IHH: variants seen among roughly 807,000 people sequenced by gnomAD.
IHH encodes the protein indian hedgehog protein.
A neutral mutation model predicts 29.4 loss-of-function variants in IHH; 9 were observed. The ratio of observed to expected loss-of-function variants is 0.31; its 90% confidence interval spans 0.18 to 0.53. The LOEUF (loss-of-function observed/expected upper bound fraction) is 0.53, where lower values mean the gene tolerates loss of function less well. IHH is among the 20% of genes least tolerant of loss of function. The pLI is 0.95. For synonymous variants in IHH, 254 were observed against 252.7 expected (o/e 1.01, Z -0.05); for missense variants, 454 against 578.1 (o/e 0.79, Z 2.20).
chr2:219,060,407 C>T lies in IHH; in HGVS notation c.61G>A (p.Val21Met). Residue 21 changes from valine to methionine, a missense_variant, in exon 1 of 3, where the codon GTG becomes ATG. Physicochemically the swap from Val to Met is conservative, Grantham distance 21. Around this residue, in one of 3 missense-constraint regions of IHH, gnomAD observed 113 missense variants for 122.1 expected, o/e 0.93. Transcript: ENST00000295731. This position sits in a 1 kb window ranked among gnomAD's most constrained non-coding sequence, Gnocchi z 8.8. ...CCGCAGCCCCATGCCGCCGGCACCA[C>T]CAGCAGCAGCAACAGGACCAGGCAG... The part of the protein sequence containing the change: ...HFCLVLLLLL[V>M]VPAAWGCGPG... The T allele has an allele frequency of 1.0e-5, 16 of 1,598,454 alleles. No individual in the cohort carries two copies. The highest frequency in any genetic ancestry group is 1.4e-5 in the Non-Finnish European group (16 of 1,176,472).
chr2:219,055,900 G>GTGCA, intron 2 of IHH, 35 bp from the exon 3 acceptor site: 1 of 1,583,622 alleles, frequency 6.3e-7, no homozygotes, highest in Non-Finnish European at 8.5e-7. Flanking sequence ...TGTTACTGCT[G>GTGCA]TGCAGCTCAG....
At chr2:219,055,957 G>T in intron 2 of IHH, 92 bp from the exon 3 acceptor site, 2 of 1,360,524 alleles carry the variant, frequency 1.5e-6, no homozygotes, top group Non-Finnish European at 2.0e-6. Context: ...GCCAGCCAGA[G>T]CTCCTCTTGC....
chr2:219,060,333 C>A lies in IHH; in HGVS notation c.135G>T (p.Val45=), dbSNP rs1201240474. ...GGCTGAACTGCTTGTAGGCGAGCGG[C>A]ACGAGTTTGCGTGGCGGTCGCCGGC... ...GSRRRPPRKL[V]PLAYKQFSPN... The change falls in exon 1 of 3, where the codon GTG becomes GTT. Residue 45 remains valine (V), a synonymous_variant. Transcript: ENST00000295731. The surrounding 1 kb of genome is among the most constrained non-coding windows in gnomAD (Gnocchi z 8.8). 2 of 1,610,538 alleles carry A rather than the reference C, an allele frequency of 1.2e-6. No homozygotes were observed. The highest frequency in any genetic ancestry group is 4.5e-5 in the East Asian group (2 of 44,856).
rs1948872941 is a variant in IHH, at chr2:219,060,548, GC to G, written c.-82del. 9.5e-7 allele frequency: 1 copy of G among 1,054,848 alleles called. No homozygotes were observed. The highest frequency in any genetic ancestry group is 1.2e-6 in the Non-Finnish European group (1 of 800,348). The allele number at this position is 1,054,848 out of a possible 1,614,324, so 65.3% of individuals were successfully genotyped here. On this transcript the variant is annotated 5_prime_UTR_variant, in exon 1 of 3. Coordinates refer to ENST00000295731, the MANE Select transcript of IHH (RefSeq NM_002181.4). The surrounding 1 kb of genome is among the most constrained non-coding windows in gnomAD (Gnocchi z 8.8). ...GCGCGTCGACGGGAGCGCTGCGGGG[GC>G]TCAGGCGTCCGGGTGGCTCCGGGGG... is the stretch of plus-strand genomic sequence containing the variant.
chr2:219,060,819 C>A lies in IHH; in HGVS notation c.-352G>T, dbSNP rs1290919574. Among the ~76,000 whole-genome samples, 6 of 147,296 alleles carry A rather than the reference C, an allele frequency of 4.1e-5. No individual in the cohort carries two copies. Among genetic ancestry groups the A allele is most frequent in the Admixed American group, 1.3e-4 (2 of 14,834 alleles). On this transcript the variant is annotated 5_prime_UTR_variant, in exon 1 of 3. Transcript: ENST00000295731. This position sits in a 1 kb window ranked among gnomAD's most constrained non-coding sequence, Gnocchi z 8.8. ...GCCGGGCTGGGCTGGGCTGGCCGGGCCGGCGGGCTGCAGGGCCCCGCGGTT... is the reference window on the plus strand; with the variant it reads ...GCCGGGCTGGGCTGGGCTGGCCGGGACGGCGGGCTGCAGGGCCCCGCGGTT...
In IHH at chr2:219,055,830, G is replaced by C; in HGVS notation, c.613C>G (p.Pro205Ala). 1 of 1,611,332 alleles carries C rather than the reference G, an allele frequency of 6.2e-7. No homozygotes were observed. The highest frequency in any genetic ancestry group is 8.5e-7 in the Non-Finnish European group (1 of 1,179,932). The part of the protein sequence containing the change: ...SAAAKTGGCF[P>A]AGAQVRLESG... Reference sequence around the variant, plus strand: ...TCCAGGCGTACCTGGGCTCCGGCAGGGAAGCAGCCGCCCGTCTTGGCTGCG... The same window carrying C: ...TCCAGGCGTACCTGGGCTCCGGCAGCGAAGCAGCCGCCCGTCTTGGCTGCG... The change falls in exon 3 of 3, where the codon CCT becomes GCT. Residue 205 changes from proline (P) to alanine (A), a missense_variant. By Grantham distance (27) the Pro-to-Ala change is conservative. Coordinates refer to ENST00000295731, the MANE Select transcript of IHH (RefSeq NM_002181.4).
chr2:219,057,415 C>T lies in IHH; in HGVS notation c.577+18G>A, dbSNP rs1227540392. On this transcript the variant is annotated intron_variant, in intron 2 of 2. Transcript: ENST00000295731. Reference sequence around the variant, plus strand: ...CTGCGGCCCCGGCCCCGGGCCCAGCCCCCCGGCGGCGGCTCACCGGACTTG... The same window carrying T: ...CTGCGGCCCCGGCCCCGGGCCCAGCTCCCCGGCGGCGGCTCACCGGACTTG... 2 of 1,555,332 alleles carry T rather than the reference C, an allele frequency of 1.3e-6. No homozygotes were observed. The highest frequency in any genetic ancestry group is 1.7e-6 in the Non-Finnish European group (2 of 1,149,726).
At chr2:219,057,339 A>G in intron 2 of IHH, 94 bp downstream of exon 2, 1 of 1,370,028 alleles carries the variant, frequency 7.3e-7, no homozygotes. Context: ...CCCTGCCTCC[A>G]TCCCCGGGCG....
chr2:219,055,310 C>T lies in IHH; in HGVS notation c.1133G>A (p.Gly378Glu), dbSNP rs201214780. The T allele has an allele frequency of 1.6e-5, 25 of 1,612,832 alleles. No homozygotes were observed. The highest frequency in any genetic ancestry group is 1.6e-5 in the Non-Finnish European group (19 of 1,179,852). The change falls in exon 3 of 3, where the codon GGG becomes GAG. Residue 378 changes from glycine (G) to glutamate (E), a missense_variant. By Grantham distance (98) the Gly-to-Glu change is moderately conservative. Coordinates refer to ENST00000295731, the MANE Select transcript of IHH (RefSeq NM_002181.4). ...CTGGGGGTACCAATGCACACCCTCC[C>T]CCGGAGTCCAGCTGCCCCATGCCAA... is the stretch of plus-strand genomic sequence containing the variant. The part of the protein sequence containing the change: ...HSLAWGSWTP[G>E]EGVHWYPQLL...
At position 219,055,753 on chromosome 2, in the gene IHH, C is replaced by G; in HGVS notation, c.690G>C (p.Leu230=). 6.2e-7 allele frequency: 1 copy of G among 1,613,742 alleles called. No homozygotes were observed. Among genetic ancestry groups the G allele is most frequent in the Non-Finnish European group, 8.5e-7 (1 of 1,179,976 alleles). Residue 230 remains leucine (L), a synonymous_variant, in exon 3 of 3, where the codon CTG becomes CTC. Coordinates refer to ENST00000295731, the MANE Select transcript of IHH (RefSeq NM_002181.4). ...LSAVRPGDRV[L]AMGEDGSPTF... ...TGGGGCTCCCATCCTCCCCCATGGCCAGCACACGGTCTCCCGGCCTCACGG... is the reference window on the plus strand; with the variant it reads ...TGGGGCTCCCATCCTCCCCCATGGCGAGCACACGGTCTCCCGGCCTCACGG...
chr2:219,056,891 T>C (rs1159280344), intron 2 of IHH, among the ~76,000 whole-genome samples: 1 of 152,248 alleles, frequency 6.6e-6, no homozygotes, highest in Non-Finnish European at 1.5e-5. Context: ...CCACTTTGTT[T>C]AGTCTGGCTC....
In IHH at chr2:219,060,281, C is replaced by T. The variant is rs1321173179; in HGVS notation, c.187G>A (p.Ala63Thr). 2 of 1,613,496 alleles carry T rather than the reference C, an allele frequency of 1.2e-6. No individual in the cohort carries two copies. The highest frequency in any genetic ancestry group is 1.7e-6 in the Non-Finnish European group (2 of 1,179,848). The part of the protein sequence containing the change: ...SPNVPEKTLG[A>T]SGRYEGKIAR... ...ATCTTGCCTTCATAGCGTCCGCTGG[C>T]GCCCAGGGTCTTCTCGGGCACATTG... Residue 63 changes from alanine (A) to threonine (T), a missense_variant, in exon 1 of 3, where the codon GCC becomes ACC. Ala to Thr is a moderately conservative substitution (Grantham distance 58, BLOSUM62 0). This residue lies in a region of IHH where 113 missense variants were observed against 122.1 expected (regional missense o/e 0.93). Transcript: ENST00000295731. This position sits in a 1 kb window ranked among gnomAD's most constrained non-coding sequence, Gnocchi z 8.8.
At position 219,060,087 on chromosome 2, in the gene IHH, G is replaced by A; in HGVS notation, c.315+66C>T. Reference sequence around the variant, plus strand: ...GCCAGTCGAGAAAATGTGCCAGGGGGTGGGTAGGGCCGGGCAGGTGGCCGT... The same window carrying A: ...GCCAGTCGAGAAAATGTGCCAGGGGATGGGTAGGGCCGGGCAGGTGGCCGT... On this transcript the variant is annotated intron_variant, in intron 1 of 2. Coordinates refer to ENST00000295731, the MANE Select transcript of IHH (RefSeq NM_002181.4). The surrounding 1 kb of genome is among the most constrained non-coding windows in gnomAD (Gnocchi z 8.8). 1.5e-6 allele frequency: 2 copies of A among 1,378,322 alleles called. No homozygotes were observed. Among genetic ancestry groups the A allele is most frequent in the Non-Finnish European group, 2.0e-6 (2 of 991,012 alleles). 85.4% of individuals were successfully genotyped at this position (1,378,322 alleles called of 1,614,324 possible). A position where few individuals can be genotyped will look rare whatever the true frequency, so the allele number is the denominator to read the frequency against.
intron 2 of IHH, 138 bp from the exon 3 acceptor site, chr2:219,056,003 G>GC (rs1948827687): frequency 1.2e-6 from 1 of 862,778 alleles, no homozygotes; most frequent in Admixed American, 2.1e-5. Context: ...CCCAGCTCCT[G>GC]CCCCCCACTT....
rs1948824950 is a variant in IHH, at chr2:219,055,751, G to A, written c.692C>T (p.Ala231Val). Residue 231 changes from alanine to valine, a missense_variant, in exon 3 of 3, where the codon GCC becomes GTC. Coordinates refer to ENST00000295731, the MANE Select transcript of IHH (RefSeq NM_002181.4). ...GGTGGGGCTCCCATCCTCCCCCATG[G>A]CCAGCACACGGTCTCCCGGCCTCAC... is the stretch of plus-strand genomic sequence containing the variant. ...SAVRPGDRVL[A>V]MGEDGSPTFS... The A allele has an allele frequency of 6.2e-7, 1 of 1,613,758 alleles. No individual in the cohort carries two copies. Among genetic ancestry groups the A allele is most frequent in the African/African-American group, 1.3e-5 (1 of 75,058 alleles).
intron 2 of IHH, among the ~76,000 whole-genome samples, chr2:219,056,084 C>T (rs1443537673): frequency 6.6e-6 from 1 of 152,074 alleles, no homozygotes; most frequent in African/African-American, 2.4e-5. Flanking sequence ...TGTGACCCCC[C>T]TCCCCAGCCT....
At chr2:219,058,473 C>T (rs2106309207) in intron 1 of IHH, among the ~76,000 whole-genome samples, 1 of 152,312 alleles carries the variant, frequency 6.6e-6, no homozygotes, top group South Asian at 2.1e-4. Flanking sequence ...CAATCCCAGA[C>T]CTCCAGGACC....
rs532118230 is a variant in IHH at position 219,059,418 on chromosome 2, C to T, written c.315+735G>A. Among the ~76,000 whole-genome samples the T allele has an allele frequency of 6.6e-6, 1 of 152,304 alleles. No individual in the cohort carries two copies. The highest frequency in any genetic ancestry group is 1.9e-4 in the East Asian group (1 of 5,182). On this transcript the variant is annotated intron_variant, in intron 1 of 2. Coordinates refer to ENST00000295731, the MANE Select transcript of IHH (RefSeq NM_002181.4). This position sits in a 1 kb window ranked among gnomAD's most constrained non-coding sequence, Gnocchi z 4.7. ...AGCGTCAGCCCTGGTCCCTGCCTCC[C>T]TCGGCATCTCAGCCCCTCTTTTCCA...
chr2:219,057,078 T>A (rs1948838500), intron 2 of IHH, among the ~76,000 whole-genome samples: 1 of 152,006 alleles, frequency 6.6e-6, no homozygotes, highest in African/African-American at 2.4e-5. Flanking sequence ...ACCACCCGCC[T>A]TGTTCTGTGC....
Sources: allele counts gnomAD v4.1 joint callset (sites outside exome capture counted in the v4.1 genomes callset), GRCh38; gene constraint gnomAD v4.1.1; regional missense constraint gnomAD v4.1.1; non-coding constraint Gnocchi (gnomAD v3.1); transcripts MANE v1.5; gene names NCBI Gene and HGNC (gene_info 2026-07-23, HGNC 2026-07-21).